The following PPARGC1A variants were observed in gnomAD, a reference collection of about 807,000 sequenced individuals.
The protein encoded by PPARGC1A is PPARG coactivator 1 alpha, also known as peroxisome proliferator-activated receptor gamma coactivator 1-alpha.
PPARGC1A carries 25 observed loss-of-function variants against 88.7 expected under a neutral mutation model. The observed-to-expected ratio is 0.28, with a 90% CI of 0.21 to 0.39. PPARGC1A has a LOEUF of 0.39. Among genes scored for constraint, PPARGC1A ranks in the 10% least tolerant of loss-of-function variants. The pLI, the probability that PPARGC1A is intolerant of heterozygous loss-of-function variation, is 1.00. For synonymous variants in PPARGC1A, 363 were observed against 355.6 expected (o/e 1.02, Z -0.24); for missense variants, 880 against 968.7 (o/e 0.91, Z 1.22).
At chr4:24,387,830 A>AAGAG in the PPARGC1A span, among the ~76,000 whole-genome samples, 3 of 96,544 alleles carry the variant, frequency 3.1e-5, no homozygotes, top group East Asian at 4.3e-4. Context: ...GAAAGAGAGA[A>AAGAG]AGAGAGAAAG....
the PPARGC1A span, among the ~76,000 whole-genome samples, chr4:24,227,642 TAC>T: frequency 6.6e-6 from 1 of 152,318 alleles, no homozygotes; most frequent in African/African-American, 2.4e-5. Context: ...AGGTACTTAA[TAC>T]AGAGGATTGT....
At chr4:24,257,778 T>C in the PPARGC1A span, among the ~76,000 whole-genome samples, 4 of 152,180 alleles carry the variant, frequency 2.6e-5, no homozygotes, top group African/African-American at 9.7e-5. Flanking sequence ...ATTCATTCTC[T>C]CCCTGAAATC....
At chr4:23,929,477 T>C in the PPARGC1A span, among the ~76,000 whole-genome samples, 2 of 152,032 alleles carry the variant, frequency 1.3e-5, no homozygotes, top group Admixed American at 6.6e-5. Flanking sequence ...CTTGGAAAAA[T>C]AAAAGGAGTA....
At chr4:24,415,085 G>A in the PPARGC1A span, among the ~76,000 whole-genome samples, 2 of 152,016 alleles carry the variant, frequency 1.3e-5, no homozygotes, top group African/African-American at 4.8e-5. Context: ...AGCTACTTGG[G>A]AAGCTGAGGC....
the PPARGC1A span, among the ~76,000 whole-genome samples, chr4:24,049,334 G>A: frequency 0.03 from 3,682 of 124,644 alleles, 62 homozygotes; most frequent in Non-Finnish European, 0.047. Context: ...GTGTGTGTGT[G>A]TATATATATA....
the PPARGC1A span, among the ~76,000 whole-genome samples, chr4:24,223,719 C>T: frequency 6.6e-6 from 1 of 152,030 alleles, no homozygotes; most frequent in Non-Finnish European, 1.5e-5. Context: ...AGTATGCCAT[C>T]ATTAAAAATA....
the PPARGC1A span, among the ~76,000 whole-genome samples, chr4:24,330,880 G>GACTCC: frequency 1.3e-5 from 2 of 152,054 alleles, no homozygotes; most frequent in African/African-American, 4.8e-5. Context: ...CCAAGACATA[G>GACTCC]TCTCTACTGC....
At chr4:24,440,426 A>G in the PPARGC1A span, among the ~76,000 whole-genome samples, 2 of 152,242 alleles carry the variant, frequency 1.3e-5, no homozygotes, top group Non-Finnish European at 2.9e-5. Flanking sequence ...CGCAAAGTAC[A>G]GAACATGGCA....
chr4:24,249,425 G>A, the PPARGC1A span, among the ~76,000 whole-genome samples: 48 of 152,250 alleles, frequency 3.2e-4, no homozygotes, highest in African/African-American at 1.1e-3. Flanking sequence ...ACATACACAG[G>A]CCTTGCCCGT....
the PPARGC1A span, among the ~76,000 whole-genome samples, chr4:24,076,832 C>T: frequency 6.6e-6 from 1 of 152,116 alleles, no homozygotes; most frequent in African/African-American, 2.4e-5. Flanking sequence ...TCTTCATCAT[C>T]CCAATATAGT....
chr4:24,075,485 C>T, the PPARGC1A span, among the ~76,000 whole-genome samples: 8 of 152,244 alleles, frequency 5.3e-5, no homozygotes, highest in Non-Finnish European at 1.0e-4. Context: ...TAATATGCTG[C>T]TACTGCTAAT....
At chr4:23,938,319 C>T in the PPARGC1A span, among the ~76,000 whole-genome samples, 1 of 152,162 alleles carries the variant, frequency 6.6e-6, no homozygotes, top group African/African-American at 2.4e-5. Context: ...AGGTACACTT[C>T]CTCATTTAGA....
chr4:24,288,333 T>C, the PPARGC1A span, among the ~76,000 whole-genome samples: 2 of 152,180 alleles, frequency 1.3e-5, no homozygotes, highest in Admixed American at 6.5e-5. Context: ...GGAAAGGCCA[T>C]ATGGTGATTT....
chr4:24,207,200 G>A, the PPARGC1A span, among the ~76,000 whole-genome samples: 1 of 152,106 alleles, frequency 6.6e-6, no homozygotes, highest in Admixed American at 6.5e-5. Context: ...CCTAAAGAGA[G>A]GTTACTCAAT....
chr4:24,441,165 G>A, the PPARGC1A span, among the ~76,000 whole-genome samples: 801 of 152,272 alleles, frequency 5.3e-3, 21 homozygotes, highest in Admixed American at 0.046. Context: ...CTGTGACAAA[G>A]GGACAAATAC....
the PPARGC1A span, among the ~76,000 whole-genome samples, chr4:24,213,246 A>G: frequency 6.7e-6 from 1 of 148,198 alleles, no homozygotes; most frequent in Admixed American, 6.8e-5. Flanking sequence ...GGCTCACTGC[A>G]AGTTCCGCCT....
the PPARGC1A span, among the ~76,000 whole-genome samples, chr4:24,161,533 G>A: frequency 2.4e-4 from 36 of 152,198 alleles, 1 homozygote; most frequent in Middle Eastern, 3.4e-3. Flanking sequence ...TGGGTCTGTC[G>A]GGATCTACCT....
At chr4:23,952,681 G>A in the PPARGC1A span, among the ~76,000 whole-genome samples, 1 of 152,048 alleles carries the variant, frequency 6.6e-6, no homozygotes, top group African/African-American at 2.4e-5. Flanking sequence ...ATGACTATGA[G>A]AAGATATTGC....
the PPARGC1A span, among the ~76,000 whole-genome samples, chr4:24,472,294 C>T: frequency 6.6e-6 from 1 of 151,300 alleles, no homozygotes; most frequent in Non-Finnish European, 1.5e-5. This position sits in a 1 kb window ranked among gnomAD's most constrained non-coding sequence, Gnocchi z 4.5. Context: ...TCCCGAGCCT[C>T]TGCCTCCCCA....
Sources: gnomAD v4.1 joint callset for allele counts (sites outside exome capture counted in the v4.1 genomes callset) on GRCh38, gnomAD v4.1.1 for gene constraint, Gnocchi (gnomAD v3.1) non-coding constraint, MANE v1.5 for transcripts, NCBI Gene and HGNC (gene_info 2026-07-23, HGNC 2026-07-21) for gene names.